ARHGEF28: variants seen among roughly 807,000 people sequenced by gnomAD.
The protein encoded by ARHGEF28 is Rho guanine nucleotide exchange factor 28.
ARHGEF28 carries 152 observed loss-of-function variants against 206.6 expected under a neutral mutation model. That is an observed-to-expected ratio of 0.74 (90% CI 0.64 to 0.84). The LOEUF is 0.84. Among genes scored for constraint, ARHGEF28 ranks in the 40% least tolerant of loss-of-function variants. ARHGEF28 has a pLI of 0.00. For missense variants in ARHGEF28, 2,028 were observed against 2,073.2 expected, an observed-to-expected ratio of 0.98 and a Z score of 0.42; for synonymous variants, 763 against 776.4, an observed-to-expected ratio of 0.98 and a Z score of 0.29.
At chr5:73,857,576 C>T in intron 14 of ARHGEF28, 80 bp from the exon 15 acceptor site, 3 of 1,402,424 alleles carry the variant, frequency 2.1e-6, no homozygotes, top group South Asian at 1.4e-5. Context: ...CACACACACA[C>T]ACACACACAC....
At chr5:73,799,379 A>G (rs1313511205) in intron 9 of ARHGEF28, among the ~76,000 whole-genome samples, 1 of 152,190 alleles carries the variant, frequency 6.6e-6, no homozygotes, top group East Asian at 1.9e-4. Flanking sequence ...TACTTTTAAG[A>G]GGTTGAATCT....
chr5:73,901,819 C>A (rs951027253), intron 31 of ARHGEF28: 1 of 152,422 alleles, frequency 6.6e-6, no homozygotes, highest in Non-Finnish European at 1.5e-5. Context: ...CACAGCGATT[C>A]CCAAAGGGAA....
intron 2 of ARHGEF28, among the ~76,000 whole-genome samples, chr5:73,712,004 A>T (rs1280533405): frequency 6.6e-6 from 1 of 151,762 alleles, no homozygotes; most frequent in African/African-American, 2.4e-5. Flanking sequence ...TAAATTATGA[A>T]CAAATGTTGA....
chr5:73,741,375 GTGTGTGTGTGTATATATATATATATA>G (rs1751387117), intron 2 of ARHGEF28, among the ~76,000 whole-genome samples: 1 of 63,846 alleles, frequency 1.6e-5, no homozygotes. Context: ...GTGTGTGTGT[GTGTGTGTGTGTATATATATATATATA>G]TATATATATA....
intron 2 of ARHGEF28, among the ~76,000 whole-genome samples, chr5:73,718,685 C>A (rs1204886502): frequency 1.3e-5 from 2 of 152,192 alleles, no homozygotes; most frequent in Non-Finnish European, 2.9e-5. Flanking sequence ...CCCTCCAAAT[C>A]TCTGTCACAT....
intron 6 of ARHGEF28, chr5:73,780,450 T>A (rs960446907): frequency 1.9e-6 from 1 of 521,716 alleles, no homozygotes; most frequent in Non-Finnish European, 3.5e-6. Flanking sequence ...CAATAAAAGA[T>A]TAGTGGCAGG....
chr5:73,898,120 T>C, intron 30 of ARHGEF28, 27 bp downstream of exon 30: 5 of 1,606,608 alleles, frequency 3.1e-6, no homozygotes, highest in East Asian at 2.2e-5. Context: ...GCCTTGGCAA[T>C]GAGCCTGAGC....
At chr5:73,696,289 C>A (rs1748204290) in intron 2 of ARHGEF28, among the ~76,000 whole-genome samples, 1 of 152,194 alleles carries the variant, frequency 6.6e-6, no homozygotes. Flanking sequence ...ATATGTAGGA[C>A]TGCAGAAACC....
intron 1 of ARHGEF28, among the ~76,000 whole-genome samples, chr5:73,633,852 C>T (rs1008934729): frequency 6.6e-6 from 1 of 152,086 alleles, no homozygotes; most frequent in Non-Finnish European, 1.5e-5. Flanking sequence ...GCTGGGGTTA[C>T]AGGCATGAGC....
At chr5:73,626,584 C>T (rs898199581) in intron 1 of ARHGEF28, among the ~76,000 whole-genome samples, 1 of 152,072 alleles carries the variant, frequency 6.6e-6, no homozygotes, top group Non-Finnish European at 1.5e-5. Context: ...CGGGGTCGCT[C>T]GGGCGCACTG....
intron 4 of ARHGEF28, 48 bp downstream of exon 4, chr5:73,753,250 C>A: frequency 2.0e-6 from 3 of 1,496,208 alleles, no homozygotes; most frequent in South Asian, 2.8e-5. Flanking sequence ...GTGTCAAGTT[C>A]AGAATGTACC....
intron 9 of ARHGEF28, among the ~76,000 whole-genome samples, chr5:73,811,818 A>G (rs1755853091): frequency 6.6e-6 from 1 of 152,044 alleles, no homozygotes; most frequent in Admixed American, 6.5e-5. Context: ...ACACATCTCT[A>G]CTAAAAATAC....
intron 7 of ARHGEF28, among the ~76,000 whole-genome samples, chr5:73,784,560 G>A (rs963679741): frequency 3.9e-5 from 6 of 152,094 alleles, no homozygotes; most frequent in Non-Finnish European, 4.4e-5. Context: ...ATTTCCTAAA[G>A]AGCATTGTAC....
In ARHGEF28 at chr5:73,701,342, T is replaced by C. The variant is rs536312074; in HGVS notation, c.33+16458T>C. Among the ~76,000 whole-genome samples the C allele has an allele frequency of 1.7e-3, 260 of 152,146 alleles. 1 individual carries two copies. Among genetic ancestry groups the C allele is most frequent in the Non-Finnish European group, 1.3e-3 (87 of 67,988 alleles). ...TCTGACTGAACTCAATAGGGAGTTT[T>C]CCCCCAGGCAAAGGGGTAAAAAATA... On this transcript the variant is annotated intron_variant, in intron 2 of 35. Coordinates refer to ENST00000513042, the MANE Select transcript of ARHGEF28 (RefSeq NM_001177693.2).
intron 9 of ARHGEF28, among the ~76,000 whole-genome samples, chr5:73,818,005 A>T (rs1326702160): frequency 6.6e-6 from 1 of 152,126 alleles, no homozygotes; most frequent in Non-Finnish European, 1.5e-5. Flanking sequence ...TATAGTACTT[A>T]AACACATCAT....
chr5:73,911,546 A>G lies in ARHGEF28; in HGVS notation c.4919A>G (p.His1640Arg). The G allele has an allele frequency of 2.5e-6, 4 of 1,610,454 alleles. No individual in the cohort carries two copies. Among genetic ancestry groups the G allele is most frequent in the Non-Finnish European group, 3.4e-6 (4 of 1,178,060 alleles). ...AGSGHQILPFHESSKDSCKND... is the reference protein window; with the variant it reads ...AGSGHQILPFRESSKDSCKND... ...TCCGGCCATCAGATACTTCCTTTCCATGAAAGCAGCAAGGATTCTTGTAAA... is the reference window on the plus strand; with the variant it reads ...TCCGGCCATCAGATACTTCCTTTCCGTGAAAGCAGCAAGGATTCTTGTAAA... The change falls in exon 35 of 36, where the codon CAT (histidine) becomes CGT (arginine). Residue 1640 changes from histidine to arginine, a missense_variant. Around this residue, in one of 3 missense-constraint regions of ARHGEF28, gnomAD observed 803 missense variants for 768.0 expected, o/e 1.05. Transcript: ENST00000513042.
chr5:73,931,808 A>G (rs780982055), intron 35 of ARHGEF28, among the ~76,000 whole-genome samples: 2 of 151,458 alleles, frequency 1.3e-5, no homozygotes, highest in Non-Finnish European at 2.9e-5. Flanking sequence ...TCTATTTTAG[A>G]CTCCTGCTTT....
chr5:73,629,506 T>TTAAA (rs1743226592), intron 1 of ARHGEF28, among the ~76,000 whole-genome samples: 2 of 65,560 alleles, frequency 3.1e-5, no homozygotes, highest in Admixed American at 3.2e-4. Flanking sequence ...AGACTCTGTC[T>TTAAA]CAAAAAAAAA....
intron 1 of ARHGEF28, among the ~76,000 whole-genome samples, chr5:73,646,470 C>T (rs904529350): frequency 1.2e-4 from 18 of 152,154 alleles, no homozygotes; most frequent in African/African-American, 3.4e-4. Context: ...TTTTTTGCAG[C>T]ATGTTCCTTG....
Sources: allele counts gnomAD v4.1 joint callset (sites outside exome capture counted in the v4.1 genomes callset), GRCh38; gene constraint gnomAD v4.1.1; regional missense constraint gnomAD v4.1.1; transcripts MANE v1.5; gene names NCBI Gene and HGNC (gene_info 2026-07-23, HGNC 2026-07-21).